GREB1: variants seen among roughly 807,000 people sequenced by gnomAD.
GREB1 encodes the protein growth regulating estrogen receptor binding 1, also known as protein GREB1.
GREB1 carries 106 observed loss-of-function variants against 200.7 expected under a neutral mutation model. The ratio of observed to expected loss-of-function variants is 0.53; its 90% CI spans 0.45 to 0.62. The LOEUF is 0.62. Ranked by LOEUF, GREB1 falls within the 20% of genes least tolerant of loss-of-function variation. The pLI, the probability that GREB1 is intolerant of heterozygous loss-of-function variation, is 0.00. For missense variants in GREB1, 2,243 were observed against 2,556.8 expected, an observed-to-expected ratio of 0.88 and a Z score of 2.65; for synonymous variants, 1,132 against 1,092.4, an observed-to-expected ratio of 1.04 and a Z score of -0.72.
At position 11,610,943 on chromosome 2, in the gene GREB1, G is replaced by A; in HGVS notation, c.2922G>A (p.Leu974=). 1.9e-6 allele frequency: 3 copies of A among 1,610,510 alleles called. No individual in the cohort carries two copies. Among genetic ancestry groups the A allele is most frequent in the East Asian group, 4.5e-5 (2 of 44,750 alleles). Residue 974 remains leucine (L), a synonymous_variant, in exon 18 of 33, where the codon CTG becomes CTA. Coordinates refer to ENST00000381486, the MANE Select transcript of GREB1 (RefSeq NM_014668.4). The part of the protein sequence containing the change: ...YERLAHVRAR[L]ALEEHFEIIL... The stretch of plus-strand genomic sequence containing the variant: ...GGCTGGCCCACGTGCGGGCCCGGCT[G>A]GCGCTGGAGGAGCACTTTGAGATCA...
intron 11 of GREB1, 40 bp from the exon 12 acceptor site, chr2:11,595,211 G>A (rs754347630): frequency 6.3e-7 from 1 of 1,580,872 alleles, no homozygotes. Flanking sequence ...CGTAAGCAGG[G>A]AAGATACAAT....
intron 26 of GREB1, among the ~76,000 whole-genome samples, chr2:11,630,827 G>A (rs767124579): frequency 6.6e-6 from 1 of 152,098 alleles, no homozygotes; most frequent in Non-Finnish European, 1.5e-5. Context: ...TTGGTTTGAC[G>A]GTGCTCACCT....
At chr2:11,501,696 G>A (rs1673041939) in intron 1 of GREB1, among the ~76,000 whole-genome samples, 1 of 152,060 alleles carries the variant, frequency 6.6e-6, no homozygotes, top group South Asian at 2.1e-4. Context: ...ACCTGGCCAA[G>A]GTGCTGTTTT....
At chr2:11,532,612 G>T (rs1465904220), upstream of GREB1, among the ~76,000 whole-genome samples, 1 of 152,164 alleles carries the variant, frequency 6.6e-6, no homozygotes, top group East Asian at 1.9e-4. Context: ...AAACAAGTTT[G>T]CTGCCTTTTC....
intron 15 of GREB1, among the ~76,000 whole-genome samples, chr2:11,599,967 G>A (rs1403184910): frequency 6.6e-6 from 1 of 152,216 alleles, no homozygotes; most frequent in Non-Finnish European, 1.5e-5. Flanking sequence ...TGGCCTAGGG[G>A]TTGTACCTTC....
At chr2:11,604,339 G>C (rs968539320) in intron 17 of GREB1, among the ~76,000 whole-genome samples, 4 of 152,150 alleles carry the variant, frequency 2.6e-5, no homozygotes, top group African/African-American at 9.7e-5. Flanking sequence ...TTTCTTTGGG[G>C]ATGATAACAC....
intron 3 of GREB1, 43 bp downstream of exon 3, chr2:11,562,625 T>C: frequency 6.5e-7 from 1 of 1,533,636 alleles, no homozygotes; most frequent in African/African-American, 1.4e-5. Flanking sequence ...CCTGCCATGC[T>C]GCCCGGAGGC....
intron 1 of GREB1, among the ~76,000 whole-genome samples, chr2:11,499,024 T>C (rs931141431): frequency 1.3e-5 from 2 of 151,968 alleles, no homozygotes; most frequent in Non-Finnish European, 2.9e-5. Context: ...TTCCTGGTGG[T>C]GGGGGGGTGG....
intron 1 of GREB1, among the ~76,000 whole-genome samples, chr2:11,507,995 G>A (rs1225578255): frequency 6.6e-6 from 1 of 152,114 alleles, no homozygotes; most frequent in Non-Finnish European, 1.5e-5. Flanking sequence ...ATCCCAGGAG[G>A]GAATTATATG....
chr2:11,584,454 G>T (rs9789525), intron 7 of GREB1, among the ~76,000 whole-genome samples: 50,253 of 151,988 alleles, frequency 0.33, 8,718 homozygotes, highest in Admixed American at 0.44. Flanking sequence ...CGGTGGAGCT[G>T]TGGTGGTGGA....
chr2:11,614,462 G>GA (rs1364918058), intron 19 of GREB1, among the ~76,000 whole-genome samples: 1 of 152,014 alleles, frequency 6.6e-6, no homozygotes, highest in Non-Finnish European at 1.5e-5. Context: ...TCTTTCAGAT[G>GA]AAAAAATCAG....
intron 4 of GREB1, among the ~76,000 whole-genome samples, chr2:11,571,751 C>A (rs576764882): frequency 1.6e-4 from 24 of 151,998 alleles, no homozygotes; most frequent in African/African-American, 5.3e-4. Flanking sequence ...CGCTCTGTCT[C>A]CCAGGCTGGA....
chr2:11,552,602 T>C (rs188737339), intron 1 of GREB1, among the ~76,000 whole-genome samples: 3 of 152,274 alleles, frequency 2.0e-5, no homozygotes, highest in African/African-American at 7.2e-5. Flanking sequence ...GGCCCAAACC[T>C]TCCTCACCCA....
chr2:11,513,685 TAAA>T (rs59611075), intron 1 of GREB1, among the ~76,000 whole-genome samples: 2 of 147,272 alleles, frequency 1.4e-5, no homozygotes, highest in Non-Finnish European at 3.0e-5. Flanking sequence ...GGTCTTGCTT[TAAA>T]AAAAAAAAGA....
At chr2:11,598,392 C>T (rs766169751) in intron 14 of GREB1, among the ~76,000 whole-genome samples, 1 of 152,252 alleles carries the variant, frequency 6.6e-6, no homozygotes, top group Non-Finnish European at 1.5e-5. Context: ...CAGGACCTTT[C>T]GGTTCCCTCT....
At chr2:11,589,112 G>T (rs1314727413) in intron 10 of GREB1, among the ~76,000 whole-genome samples, 181 bp downstream of exon 10, 3 of 152,230 alleles carry the variant, frequency 2.0e-5, no homozygotes, top group Non-Finnish European at 4.4e-5. Context: ...CTGGGGGGCT[G>T]AAAGTAGGTT....
At chr2:11,591,609 C>T (rs1158421475) in intron 10 of GREB1, 16 of 611,034 alleles carry the variant, frequency 2.6e-5, no homozygotes, top group Non-Finnish European at 4.2e-5. Context: ...ATGCACCGTT[C>T]GCGTGGTAAA....
chr2:11,577,928 G>A (rs1293744344), intron 5 of GREB1, among the ~76,000 whole-genome samples: 5 of 152,362 alleles, frequency 3.3e-5, no homozygotes. Flanking sequence ...GGCCGCTGGG[G>A]ATGGCCTTTC....
chr2:11,624,705 G>A (rs767443848), intron 23 of GREB1, among the ~76,000 whole-genome samples: 26 of 152,254 alleles, frequency 1.7e-4, no homozygotes, highest in Non-Finnish European at 3.2e-4. Flanking sequence ...GCAATAACTT[G>A]CTGTATATAG....
Sources: allele counts gnomAD v4.1 joint callset (sites outside exome capture counted in the v4.1 genomes callset), GRCh38; gene constraint gnomAD v4.1.1; transcripts MANE v1.5; gene names NCBI Gene and HGNC (gene_info 2026-07-23, HGNC 2026-07-21).